The following MTCL3 variants were observed in gnomAD, a reference collection of about 807,000 sequenced individuals.
MTCL3 encodes MTCL family member 3.
At chr6:127,516,037 G>T in the MTCL3 span, 2 of 1,560,360 alleles carry the variant, frequency 1.3e-6, no homozygotes, top group Non-Finnish European at 8.6e-7. Flanking sequence ...CCAGCCCCTG[G>T]GCGGCGGCGG....
the MTCL3 span, among the ~76,000 whole-genome samples, chr6:127,503,184 C>T: frequency 6.6e-6 from 1 of 152,112 alleles, no homozygotes; most frequent in African/African-American, 2.4e-5. Flanking sequence ...AGTGAGGCCA[C>T]GCAGCACTGA....
At chr6:127,490,218 C>T in the MTCL3 span, among the ~76,000 whole-genome samples, 1 of 152,144 alleles carries the variant, frequency 6.6e-6, no homozygotes, top group African/African-American at 2.4e-5. Flanking sequence ...TTTAAGCCCA[C>T]TTTTGAGACC....
At chr6:127,516,173 G>A in the MTCL3 span, 2 of 1,435,292 alleles carry the variant, frequency 1.4e-6, no homozygotes, top group African/African-American at 3.0e-5. Flanking sequence ...TCTAGCTCCC[G>A]AGGCGGCTCC....
the MTCL3 span, chr6:127,476,418 G>A: frequency 3.8e-5 from 62 of 1,610,952 alleles, no homozygotes; most frequent in Non-Finnish European, 4.9e-5. The surrounding 1 kb of genome is among the most constrained non-coding windows in gnomAD (Gnocchi z 4.4). Context: ...TCATCAAAGC[G>A]GCTTCTTCCT....
At chr6:127,514,913 G>A in the MTCL3 span, 1 of 1,614,182 alleles carries the variant, frequency 6.2e-7, no homozygotes, top group South Asian at 1.1e-5. Flanking sequence ...CTTTGCGGAG[G>A]CGGTACTGCA....
the MTCL3 span, among the ~76,000 whole-genome samples, chr6:127,511,313 T>G: frequency 6.6e-6 from 1 of 152,248 alleles, no homozygotes; most frequent in African/African-American, 2.4e-5. Flanking sequence ...CCTAGAGAAC[T>G]AATACAGTTA....
At chr6:127,515,679 C>G in the MTCL3 span, 2 of 1,521,984 alleles carry the variant, frequency 1.3e-6, no homozygotes, top group African/African-American at 2.9e-5. The surrounding 1 kb of genome is among the most constrained non-coding windows in gnomAD (Gnocchi z 4.3). Context: ...CCGCCGCCGC[C>G]GCCATTGGGG....
the MTCL3 span, among the ~76,000 whole-genome samples, chr6:127,484,720 G>T: frequency 6.0e-4 from 92 of 152,168 alleles, 1 homozygote; most frequent in African/African-American, 2.2e-3. Context: ...GTTCAGTCTG[G>T]AATTCAACAC....
the MTCL3 span, chr6:127,517,522 GT>G: frequency 6.6e-6 from 1 of 152,274 alleles, no homozygotes; most frequent in African/African-American, 2.4e-5. Context: ...TGCTTACCCA[GT>G]TTTGTAGTCT....
the MTCL3 span, among the ~76,000 whole-genome samples, chr6:127,497,188 G>A: frequency 6.6e-6 from 1 of 152,114 alleles, no homozygotes. Flanking sequence ...TGTAAAATAT[G>A]ATTCAACAAA....
the MTCL3 span, chr6:127,473,155 A>G: frequency 1.6e-6 from 2 of 1,239,010 alleles, no homozygotes. Flanking sequence ...TAAAGAAATA[A>G]GCAGTCTTCA....
the MTCL3 span, among the ~76,000 whole-genome samples, chr6:127,513,935 AAAGTT>A: frequency 2.0e-5 from 3 of 152,238 alleles, no homozygotes; most frequent in African/African-American, 4.8e-5. Flanking sequence ...GCACTCGACA[AAAGTT>A]AAGAAAAAAA....
the MTCL3 span, among the ~76,000 whole-genome samples, chr6:127,498,907 G>T: frequency 2.0e-5 from 3 of 152,086 alleles, no homozygotes; most frequent in African/African-American, 7.2e-5. Flanking sequence ...GGCTGATTGG[G>T]GTTAGAGCTA....
At chr6:127,473,750 C>G in the MTCL3 span, among the ~76,000 whole-genome samples, 1 of 152,222 alleles carries the variant, frequency 6.6e-6, no homozygotes, top group Non-Finnish European at 1.5e-5. Context: ...TGTACGTAAA[C>G]TGGCTTTTAA....
chr6:127,473,013 C>A, the MTCL3 span: 9 of 828,920 alleles, frequency 1.1e-5, no homozygotes, highest in Non-Finnish European at 1.3e-5. Context: ...CAAGAGGAGA[C>A]AAACAGGATG....
At chr6:127,516,264 A>G in the MTCL3 span, 3 of 1,475,102 alleles carry the variant, frequency 2.0e-6, no homozygotes, top group Non-Finnish European at 2.7e-6. Flanking sequence ...CAGGCTGGAC[A>G]GCTCCCGGAG....
chr6:127,516,978 G>A, the MTCL3 span, among the ~76,000 whole-genome samples: 6 of 152,124 alleles, frequency 3.9e-5, no homozygotes, highest in African/African-American at 1.4e-4. Flanking sequence ...GTGAGATACA[G>A]AGTCAGACAG....
chr6:127,515,502 C>A, the MTCL3 span: 29 of 1,427,246 alleles, frequency 2.0e-5, no homozygotes, highest in Admixed American at 6.6e-5. The surrounding 1 kb of genome is among the most constrained non-coding windows in gnomAD (Gnocchi z 4.3). Context: ...CGGGTCCCCC[C>A]ACCCTCCTCA....
chr6:127,488,822 C>T, the MTCL3 span, among the ~76,000 whole-genome samples: 4 of 152,252 alleles, frequency 2.6e-5, no homozygotes, highest in African/African-American at 9.6e-5. Context: ...ATTCAACCAA[C>T]CACAGATTGA....
Sources: gnomAD v4.1 joint callset for allele counts (sites outside exome capture counted in the v4.1 genomes callset) on GRCh38, gnomAD v4.1.1 for gene constraint, Gnocchi (gnomAD v3.1) non-coding constraint, MANE v1.5 for transcripts, NCBI Gene and HGNC (gene_info 2026-07-23, HGNC 2026-07-21) for gene names.